DPYD: variants seen among roughly 807,000 people sequenced by gnomAD.
DPYD encodes dihydropyrimidine dehydrogenase, also known as dihydropyrimidine dehydrogenase [NADP(+)].
A neutral mutation model predicts 116.2 loss-of-function variants in DPYD; 109 were observed. That is an observed-to-expected ratio of 0.94 (90% CI 0.80 to 1.10). The LOEUF is 1.10. DPYD is among the 50% of genes least tolerant of loss of function. The pLI is 0.00. For synonymous variants in DPYD, 440 were observed against 432.0 expected, an observed-to-expected ratio of 1.02 and a Z score of -0.23; for missense variants, 1,302 against 1,254.5, an observed-to-expected ratio of 1.04 and a Z score of -0.57.
At chr1:97,274,232 G>A (rs187537006) in intron 18 of DPYD, among the ~76,000 whole-genome samples, 69 of 152,152 alleles carry the variant, frequency 4.5e-4, no homozygotes, top group Admixed American at 7.2e-4. Flanking sequence ...TGTAATCCCC[G>A]CTGTCAGAGG....
At chr1:97,120,696 T>C (rs978390867) in intron 20 of DPYD, among the ~76,000 whole-genome samples, 4 of 152,204 alleles carry the variant, frequency 2.6e-5, no homozygotes, top group Non-Finnish European at 5.9e-5. Context: ...ACGTTTTTAG[T>C]AGTATGGCTG....
At position 97,444,515 on chromosome 1, in the gene DPYD, C is replaced by G. The variant is rs553555256; in HGVS notation, c.1905+5544G>C. Among the ~76,000 whole-genome samples, 7 of 152,116 alleles carry G rather than the reference C, an allele frequency of 4.6e-5. 1 individual carries two copies. The South Asian group carries it at 1.2e-3, about 27-fold the overall frequency. The stretch of plus-strand genomic sequence containing the variant: ...TTTAAAAATATTTAATAATATAGGT[C>G]AAGAGCCATAAATAACACTGGCTGT... On this transcript the variant is annotated intron_variant, in intron 14 of 22. Transcript: ENST00000370192.
chr1:97,559,976 G>A (rs903509959), intron 11 of DPYD, among the ~76,000 whole-genome samples: 5 of 152,272 alleles, frequency 3.3e-5, no homozygotes, highest in Admixed American at 3.3e-4. Context: ...AGGAATGTGA[G>A]ATTGAGATAA....
intron 12 of DPYD, among the ~76,000 whole-genome samples, chr1:97,536,905 C>A (rs1398869064): frequency 6.6e-6 from 1 of 152,172 alleles, no homozygotes; most frequent in East Asian, 1.9e-4. Flanking sequence ...TCAAAACCTG[C>A]AAAGGGTAAC....
chr1:97,599,273 G>A (rs958003914), intron 8 of DPYD, among the ~76,000 whole-genome samples: 1 of 152,098 alleles, frequency 6.6e-6, no homozygotes, highest in African/African-American at 2.4e-5. Flanking sequence ...TGTTGCCAAA[G>A]CACCTCCCTC....
At chr1:97,784,226 C>G (rs1666900952) in intron 3 of DPYD, among the ~76,000 whole-genome samples, 1 of 151,706 alleles carries the variant, frequency 6.6e-6, no homozygotes, top group Non-Finnish European at 1.5e-5. Context: ...ATTACCTCTC[C>G]AAACAACAGT....
intron 2 of DPYD, among the ~76,000 whole-genome samples, chr1:97,854,194 C>T (rs1270201541): frequency 1.3e-5 from 2 of 152,094 alleles, no homozygotes; most frequent in African/African-American, 4.8e-5. Context: ...GGAGCAAAGA[C>T]AGAGATGTGC....
At chr1:97,100,914 A>G (rs1570455138) in intron 20 of DPYD, among the ~76,000 whole-genome samples, 1 of 152,068 alleles carries the variant, frequency 6.6e-6, no homozygotes, top group Admixed American at 6.6e-5. Context: ...CCATACATAA[A>G]TTATGTTACA....
chr1:97,241,589 A>G (rs892093201), intron 18 of DPYD, among the ~76,000 whole-genome samples: 1 of 151,994 alleles, frequency 6.6e-6, no homozygotes, highest in African/African-American at 2.4e-5. Flanking sequence ...TCTCTGGATT[A>G]TTTTTGCCTA....
At chr1:97,451,313 A>G (rs955596532) in intron 13 of DPYD, among the ~76,000 whole-genome samples, 1 of 152,122 alleles carries the variant, frequency 6.6e-6, no homozygotes, top group Non-Finnish European at 1.5e-5. Flanking sequence ...CCTTGCCACA[A>G]AAGATTATTT....
At chr1:97,712,288 C>A (rs1371065774) in intron 5 of DPYD, among the ~76,000 whole-genome samples, 3 of 151,948 alleles carry the variant, frequency 2.0e-5, no homozygotes, top group Non-Finnish European at 4.4e-5. Context: ...ATACTCAGAT[C>A]ATATTTTTAC....
At chr1:97,810,150 G>T (rs1194951087) in intron 3 of DPYD, among the ~76,000 whole-genome samples, 4 of 151,666 alleles carry the variant, frequency 2.6e-5, no homozygotes, top group African/African-American at 9.7e-5. Context: ...AGCCGGGTGT[G>T]GTGGCGGGCG....
chr1:97,611,594 A>T (rs1655956603), intron 8 of DPYD, among the ~76,000 whole-genome samples: 1 of 152,080 alleles, frequency 6.6e-6, no homozygotes, highest in Non-Finnish European at 1.5e-5. Context: ...TATACATCAG[A>T]TAACATTTCC....
At chr1:97,339,203 G>C (rs1009661500) in intron 16 of DPYD, among the ~76,000 whole-genome samples, 2 of 152,092 alleles carry the variant, frequency 1.3e-5, no homozygotes, top group Admixed American at 1.3e-4. Context: ...CATGCAAAGA[G>C]AAGTAGTTCC....
chr1:97,890,702 AT>A (rs1216015773), intron 1 of DPYD, among the ~76,000 whole-genome samples: 1 of 152,080 alleles, frequency 6.6e-6, no homozygotes, highest in African/African-American at 2.4e-5. Flanking sequence ...AAAAAGACAC[AT>A]TTTTTTAAAG....
intron 18 of DPYD, among the ~76,000 whole-genome samples, chr1:97,240,107 A>G (rs895786558): frequency 2.0e-5 from 3 of 152,040 alleles, no homozygotes; most frequent in African/African-American, 7.2e-5. Context: ...TGAAACCTTA[A>G]GAGGACCATA....
At chr1:97,419,450 T>A (rs937968910) in intron 14 of DPYD, among the ~76,000 whole-genome samples, 1 of 152,176 alleles carries the variant, frequency 6.6e-6, no homozygotes. Flanking sequence ...ACATTATGAT[T>A]TTTGTTATTC....
chr1:97,856,328 G>T (rs1466006887), intron 2 of DPYD: 1 of 152,040 alleles, frequency 6.6e-6, no homozygotes, highest in Non-Finnish European at 1.5e-5. Flanking sequence ...AGATAGAGGA[G>T]AATCTTCCCA....
intron 3 of DPYD, among the ~76,000 whole-genome samples, chr1:97,793,805 G>C (rs1667434257): frequency 6.6e-6 from 1 of 152,138 alleles, no homozygotes. Context: ...CCCTAGGGTA[G>C]ACAAAGATTT....
Sources: gnomAD v4.1 joint callset for allele counts (sites outside exome capture counted in the v4.1 genomes callset) on GRCh38, gnomAD v4.1.1 for gene constraint, MANE v1.5 for transcripts, NCBI Gene and HGNC (gene_info 2026-07-23, HGNC 2026-07-21) for gene names.